Variants in CCDC7 observed in about 807,000 individuals in gnomAD.
The protein encoded by CCDC7 is coiled-coil domain-containing protein 7.
CCDC7 carries 183 observed loss-of-function variants against 196.9 expected under a neutral mutation model. The ratio of observed to expected loss-of-function variants is 0.93; its 90% CI spans 0.82 to 1.05. The LOEUF (loss-of-function observed/expected upper bound fraction) is 1.05, where lower values mean the gene tolerates loss of function less well. Ranked by LOEUF, CCDC7 falls within the 50% of genes least tolerant of loss-of-function variation. The pLI is 0.00. For missense variants in CCDC7, 1,540 were observed against 1,482.2 expected (o/e 1.04, Z -0.64); for synonymous variants, 525 against 484.6 (o/e 1.08, Z -1.10).
chr10:32,727,716 G>C (rs1307266190), intron 26 of CCDC7, among the ~76,000 whole-genome samples: 2 of 152,074 alleles, frequency 1.3e-5, no homozygotes, highest in African/African-American at 4.8e-5. Flanking sequence ...CTTTCCTGCT[G>C]GTCAGTCTTT....
chr10:32,619,818 C>G (rs1183866576), intron 18 of CCDC7, among the ~76,000 whole-genome samples: 2 of 149,656 alleles, frequency 1.3e-5, no homozygotes, highest in Non-Finnish European at 3.0e-5. Flanking sequence ...AGCCTGGTCT[C>G]AAACTCTTGG....
At chr10:32,805,126 T>C (rs916875202) in intron 30 of CCDC7, 28 bp downstream of exon 31, 1 of 1,487,004 alleles carries the variant, frequency 6.7e-7, no homozygotes, top group Non-Finnish European at 9.4e-7. Flanking sequence ...AGTCTAATAT[T>C]TCTCATTTAT....
chr10:32,520,330 C>T (rs944326304), intron 11 of CCDC7, among the ~76,000 whole-genome samples: 2 of 152,080 alleles, frequency 1.3e-5, no homozygotes, highest in African/African-American at 4.8e-5. Context: ...TTCACATTCT[C>T]ACCAACAGTG....
At chr10:32,882,047 G>A (rs1333524617), downstream of CCDC7, among the ~76,000 whole-genome samples, 1 of 152,036 alleles carries the variant, frequency 6.6e-6, no homozygotes. Context: ...CAAGGACAAA[G>A]TCCATAAGAG....
At chr10:32,847,550 A>AT (rs2093353767) in intron 37 of CCDC7, among the ~76,000 whole-genome samples, 1 of 152,088 alleles carries the variant, frequency 6.6e-6, no homozygotes, top group Non-Finnish European at 1.5e-5. Flanking sequence ...CCCTATCTCT[A>AT]CAAAAAATAC....
chr10:32,490,332 TCTTC>T (rs1280052169), intron 8 of CCDC7, among the ~76,000 whole-genome samples: 1 of 129,000 alleles, frequency 7.8e-6, no homozygotes, highest in African/African-American at 2.4e-5. Context: ...CATTTTGTGT[TCTTC>T]CTTTTTTTCC....
intron 9 of CCDC7, 63 bp downstream of exon 10, chr10:32,492,060 G>A: frequency 6.9e-7 from 1 of 1,448,910 alleles, no homozygotes; most frequent in South Asian, 1.5e-5. Flanking sequence ...AGATAAAATT[G>A]TATTTTTCCA....
intron 41 of CCDC7, among the ~76,000 whole-genome samples, chr10:32,862,578 C>T (rs1256421562): frequency 1.3e-5 from 2 of 151,482 alleles, no homozygotes; most frequent in Non-Finnish European, 3.0e-5. Context: ...AAACCCACAG[C>T]TAACATCATA....
chr10:32,628,158 T>A lies in CCDC7; in HGVS notation c.1802-6096T>A, dbSNP rs574757925. On this transcript the variant is annotated intron_variant, in intron 18 of 41. Transcript: ENST00000639629. Reference sequence around the variant, plus strand: ...TCCAAGATCCAGGACTTTTCTTTCATGGTAGAGTTTTTCTTACTGACTTAA... The same window carrying A: ...TCCAAGATCCAGGACTTTTCTTTCAAGGTAGAGTTTTTCTTACTGACTTAA... Among the ~76,000 whole-genome samples the A allele has an allele frequency of 8.5e-5, 13 of 152,154 alleles. No individual in the cohort carries two copies. The South Asian group carries it at 2.3e-3, about 27-fold the overall frequency.
intron 9 of CCDC7, among the ~76,000 whole-genome samples, chr10:32,508,072 TAGA>T (rs1177929183): frequency 1.3e-5 from 2 of 152,148 alleles, no homozygotes; most frequent in African/African-American, 4.8e-5. Context: ...CAAATCAGAA[TAGA>T]AGAAGTAAAA....
At chr10:32,754,571 T>C (rs2076124850) in intron 28 of CCDC7, among the ~76,000 whole-genome samples, 1 of 152,116 alleles carries the variant, frequency 6.6e-6, no homozygotes, top group Non-Finnish European at 1.5e-5. Context: ...AAATAATTGA[T>C]TAAAGAAAGA....
rs1364922289 is a variant in CCDC7, at chr10:32,502,319, C to G, written c.872+10322C>G. ...TCCCTTGGCTAGGGAAGGGAAATCC[C>G]CTGACCCCTTGCACTTCCCAGGTGA... On this transcript the variant is annotated intron_variant, in intron 9 of 41. Coordinates refer to ENST00000639629, the Ensembl canonical transcript of CCDC7. Among the ~76,000 whole-genome samples, 4 of 152,266 alleles carry G rather than the reference C, an allele frequency of 2.6e-5. No homozygotes were observed. The East Asian group carries it at 7.7e-4, about 29-fold the overall frequency.
chr10:32,805,268 T>C (rs1037262543), intron 30 of CCDC7, among the ~76,000 whole-genome samples, 170 bp downstream of exon 31: 5 of 152,202 alleles, frequency 3.3e-5, no homozygotes, highest in African/African-American at 1.2e-4. Context: ...ACTAGAAATG[T>C]AAAGCTAGCT....
At chr10:32,555,427 G>A (rs1385275245) in intron 13 of CCDC7, among the ~76,000 whole-genome samples, 1 of 151,984 alleles carries the variant, frequency 6.6e-6, no homozygotes, top group Non-Finnish European at 1.5e-5. Flanking sequence ...TGTATTTTTA[G>A]TAGAGGCGGG....
At chr10:32,777,723 G>GAT (rs2080319285) in intron 28 of CCDC7, among the ~76,000 whole-genome samples, 1 of 152,056 alleles carries the variant, frequency 6.6e-6, no homozygotes, top group Non-Finnish European at 1.5e-5. Context: ...AATTAGCCAG[G>GAT]TATGGTGGCA....
At chr10:32,829,319 T>C (rs900410874) in intron 32 of CCDC7, among the ~76,000 whole-genome samples, 2 of 152,076 alleles carry the variant, frequency 1.3e-5, no homozygotes, top group Non-Finnish European at 2.9e-5. Flanking sequence ...GAATACAGAA[T>C]GCATAAGTAG....
intron 41 of CCDC7, 146 bp from the exon 43 acceptor site, chr10:32,876,197 ATAGG>A (rs1210246755): frequency 1.8e-6 from 1 of 570,134 alleles, no homozygotes; most frequent in Non-Finnish European, 3.1e-6. Context: ...TATAAAAACA[ATAGG>A]TAGGTAGATT....
At chr10:32,560,402 A>G (rs560234259) in intron 13 of CCDC7, among the ~76,000 whole-genome samples, 79 of 152,290 alleles carry the variant, frequency 5.2e-4, no homozygotes, top group Non-Finnish European at 7.8e-4. Context: ...GAAGGAAAAA[A>G]TGTTAAGGGC....
intron 18 of CCDC7, among the ~76,000 whole-genome samples, 173 bp downstream of exon 19, chr10:32,584,477 G>A (rs1307090039): frequency 1.6e-5 from 2 of 126,966 alleles, no homozygotes; most frequent in South Asian, 2.8e-4. Context: ...ATCTCGGTGG[G>A]CCAGGCGTGG....
Sources: allele counts gnomAD v4.1 joint callset (sites outside exome capture counted in the v4.1 genomes callset), GRCh38; gene constraint gnomAD v4.1.1; transcripts MANE v1.5; gene names NCBI Gene and HGNC (gene_info 2026-07-23, HGNC 2026-07-21).